GLRA2: variants seen among roughly 807,000 people sequenced by gnomAD.
The protein encoded by GLRA2 is glycine receptor alpha 2.
Under a neutral mutation model 31.6 loss-of-function variants are expected in GLRA2, and 11 were observed. The ratio of observed to expected loss-of-function variants is 0.35; its 90% CI spans 0.22 to 0.58. The LOEUF (loss-of-function observed/expected upper bound fraction) is 0.58. Ranked by LOEUF, GLRA2 falls within the 20% of genes least tolerant of loss-of-function variation. The pLI is 0.84. For missense variants in GLRA2, 212 were observed against 351.8 expected (o/e 0.60, Z 3.18); for synonymous variants, 132 against 134.0 (o/e 0.99, Z 0.10).
chrX:14,562,553 G>T (rs917514981), intron 2 of GLRA2, among the ~76,000 whole-genome samples: 2 of 112,179 alleles, frequency 1.8e-5, no homozygotes, highest in South Asian at 7.4e-4. Context: ...AAATACCACA[G>T]ACTGAGTGGT....
At chrX:14,522,422 G>T in the GLRA2 span, among the ~76,000 whole-genome samples, 1 of 111,859 alleles carries the variant, frequency 8.9e-6, no homozygotes, top group African/African-American at 3.2e-5. Context: ...AGTCATCCAT[G>T]ATGGTTGGCA....
chrX:14,604,406 C>T lies in GLRA2; in HGVS notation c.577+9C>T. On this transcript the variant is annotated intron_variant, in intron 5 of 8. Coordinates refer to ENST00000218075, the MANE Select transcript of GLRA2 (RefSeq NM_002063.4). ...AATGCAGCTGGAGAGTTGTAAGTCA[C>T]CACTGTTGAAATGACTCCCTGCTTG... 1 of 1,062,241 alleles carries T rather than the reference C, an allele frequency of 9.4e-7. No homozygotes were observed. The highest frequency in any genetic ancestry group is 1.9e-5 in the South Asian group (1 of 53,394). The allele number at this position is 1,062,241 out of a possible 1,213,427, so 87.5% of individuals were successfully genotyped here. A position where few individuals can be genotyped will look rare whatever the true frequency, so the allele number is the denominator to read the frequency against.
intron 2 of GLRA2, among the ~76,000 whole-genome samples, chrX:14,544,386 C>A (rs1484865529): frequency 9.0e-6 from 1 of 111,153 alleles, no homozygotes; most frequent in Non-Finnish European, 1.9e-5. Context: ...AGTTTCATAC[C>A]TGTATGAAGA....
intron 7 of GLRA2, among the ~76,000 whole-genome samples, chrX:14,681,846 C>T (rs1429270626): frequency 1.1e-5 from 1 of 89,053 alleles, no homozygotes; most frequent in Non-Finnish European, 2.2e-5. Flanking sequence ...GAGCCGAGAT[C>T]GCGCCACTGC....
At chrX:14,616,114 A>G (rs752110725) in intron 7 of GLRA2, among the ~76,000 whole-genome samples, 14 of 111,973 alleles carry the variant, frequency 1.3e-4, no homozygotes, top group Non-Finnish European at 2.3e-4. Context: ...TCAGAAAAGT[A>G]TGAGGATGAA....
At chrX:14,491,170 A>AT in the GLRA2 span, among the ~76,000 whole-genome samples, 1 of 112,290 alleles carries the variant, frequency 8.9e-6, no homozygotes, top group South Asian at 3.7e-4. Context: ...ATTTTCAAAT[A>AT]TTTTTTAAAC....
intron 7 of GLRA2, among the ~76,000 whole-genome samples, chrX:14,630,966 C>T (rs530283612): frequency 3.6e-5 from 4 of 110,263 alleles, no homozygotes; most frequent in South Asian, 3.9e-4. Flanking sequence ...AGGATGAACT[C>T]CTTCCATCAA....
the GLRA2 span, among the ~76,000 whole-genome samples, chrX:14,507,076 C>T: frequency 8.9e-6 from 1 of 112,191 alleles, no homozygotes; most frequent in African/African-American, 3.2e-5. Context: ...TTCTTTTCTT[C>T]AATTACCTAG....
At chrX:14,569,128 G>A (rs1227734743) in intron 2 of GLRA2, among the ~76,000 whole-genome samples, 3 of 110,693 alleles carry the variant, frequency 2.7e-5, no homozygotes, top group Non-Finnish European at 5.7e-5. Context: ...GATGGTGGGT[G>A]CCTGTAATCC....
chrX:14,473,216 TC>T, the GLRA2 span, among the ~76,000 whole-genome samples: 1 of 111,243 alleles, frequency 9.0e-6, no homozygotes, highest in Non-Finnish European at 1.9e-5. Flanking sequence ...CATTATAAAA[TC>T]AAGAGAAAGA....
intron 7 of GLRA2, among the ~76,000 whole-genome samples, chrX:14,636,645 A>G (rs2090712895): frequency 9.0e-6 from 1 of 111,500 alleles, no homozygotes; most frequent in African/African-American, 3.3e-5. Flanking sequence ...ATCCTTGAAC[A>G]ACAGTAAGAA....
At chrX:14,661,309 G>A (rs980229373) in intron 7 of GLRA2, among the ~76,000 whole-genome samples, 1 of 112,070 alleles carries the variant, frequency 8.9e-6, no homozygotes, top group East Asian at 2.8e-4. Context: ...ACTTGGCAGT[G>A]TGCTATCTTT....
chrX:14,721,185 A>C (rs1330606323), intron 8 of GLRA2, among the ~76,000 whole-genome samples: 1 of 110,677 alleles, frequency 9.0e-6, no homozygotes, highest in East Asian at 2.8e-4. Context: ...TTCATTAGAC[A>C]AAAGCTATAC....
At chrX:14,574,844 G>A (rs2147058628) in intron 3 of GLRA2, among the ~76,000 whole-genome samples, 2 of 111,514 alleles carry the variant, frequency 1.8e-5, no homozygotes, top group East Asian at 5.6e-4. Flanking sequence ...GCATAGTTAT[G>A]GATATTTAAA....
At chrX:14,666,740 C>T (rs762875744) in intron 7 of GLRA2, among the ~76,000 whole-genome samples, 1 of 112,002 alleles carries the variant, frequency 8.9e-6, no homozygotes, top group Non-Finnish European at 1.9e-5. Context: ...TCAATACTTA[C>T]AGCAAACCTA....
chrX:14,569,660 G>A (rs1265969838), intron 2 of GLRA2, among the ~76,000 whole-genome samples: 2 of 112,630 alleles, frequency 1.8e-5, no homozygotes, highest in African/African-American at 3.2e-5. Flanking sequence ...CATTGCTTGT[G>A]ACAAAATGGT....
intron 4 of GLRA2, among the ~76,000 whole-genome samples, chrX:14,596,589 G>A (rs1415821062): frequency 9.0e-6 from 1 of 110,922 alleles, no homozygotes; most frequent in Non-Finnish European, 1.9e-5. Flanking sequence ...GGAGGTTGCT[G>A]TGAGCCGAGA....
At chrX:14,619,224 G>T (rs1381892161) in intron 7 of GLRA2, among the ~76,000 whole-genome samples, 1 of 110,262 alleles carries the variant, frequency 9.1e-6, no homozygotes, top group Non-Finnish European at 1.9e-5. Context: ...CTTCTATATT[G>T]TATTTTCAAC....
chrX:14,616,638 C>A (rs960990189), intron 7 of GLRA2, among the ~76,000 whole-genome samples: 1 of 111,862 alleles, frequency 8.9e-6, no homozygotes, highest in Non-Finnish European at 1.9e-5. Flanking sequence ...AACAGTAAGA[C>A]TGATACCTGT....
Sources: allele counts gnomAD v4.1 joint callset (sites outside exome capture counted in the v4.1 genomes callset), GRCh38; gene constraint gnomAD v4.1.1; transcripts MANE v1.5; gene names NCBI Gene and HGNC (gene_info 2026-07-23, HGNC 2026-07-21).